Variants in FSTL5 observed in about 807,000 individuals in gnomAD.
FSTL5 encodes follistatin like 5, also known as follistatin-related protein 5.
FSTL5 carries 62 observed loss-of-function variants against 89.1 expected under a neutral mutation model. The ratio of observed to expected loss-of-function variants is 0.70; its 90% CI spans 0.57 to 0.86. The LOEUF (loss-of-function observed/expected upper bound fraction) is 0.86, where lower values mean the gene tolerates loss of function less well. FSTL5 is among the 40% of genes least tolerant of loss of function. The pLI, the probability that FSTL5 is intolerant of heterozygous loss-of-function variation, is 0.00. For synonymous variants in FSTL5, 383 were observed against 346.2 expected, an observed-to-expected ratio of 1.11 and a Z score of -1.18; for missense variants, 1,057 against 1,001.6, an observed-to-expected ratio of 1.06 and a Z score of -0.75.
chr4:161,793,613 A>ATT lies in FSTL5; in HGVS notation c.410-17541_410-17540dup, dbSNP rs5863486. On this transcript the variant is annotated intron_variant, in intron 4 of 15. Transcript: ENST00000306100. ...TTGCTTTTGGGGAAACCATGTTGTC[A>ATT]TTTTTTTTTTTCTGAGATGGAGTCT... Among the ~76,000 whole-genome samples, 412 of 147,342 alleles carry ATT rather than the reference A, an allele frequency of 2.8e-3. 5 individuals are homozygous for ATT. Among genetic ancestry groups the ATT allele is most frequent in the African/African-American group, 7.4e-3 (296 of 40,188 alleles).
chr4:161,805,937 T>C (rs895249850), intron 4 of FSTL5, among the ~76,000 whole-genome samples: 1 of 152,084 alleles, frequency 6.6e-6, no homozygotes, highest in Non-Finnish European at 1.5e-5. Flanking sequence ...TTCACATAAC[T>C]TTTTTATAGT....
intron 15 of FSTL5, among the ~76,000 whole-genome samples, chr4:161,407,395 G>T (rs1731423463): frequency 6.6e-6 from 1 of 152,212 alleles, no homozygotes; most frequent in African/African-American, 2.4e-5. Flanking sequence ...TGAGGATGGG[G>T]AGGAGATGCA....
intron 15 of FSTL5, among the ~76,000 whole-genome samples, chr4:161,392,143 C>T (rs1016616947): frequency 7.9e-5 from 12 of 152,062 alleles, no homozygotes; most frequent in Non-Finnish European, 2.9e-5. Context: ...TGTCCAGTTG[C>T]TTAACAGGAT....
chr4:161,834,901 C>T (rs545118399), intron 4 of FSTL5, among the ~76,000 whole-genome samples: 9 of 151,252 alleles, frequency 6.0e-5, no homozygotes, highest in Admixed American at 1.3e-4. Context: ...AGATTCAATG[C>T]CATCCCCATC....
chr4:161,748,274 G>T (rs991445009), intron 6 of FSTL5, among the ~76,000 whole-genome samples: 2 of 152,010 alleles, frequency 1.3e-5, no homozygotes, highest in African/African-American at 4.8e-5. Context: ...GCCACAAAAA[G>T]TATCATGCAC....
At chr4:161,436,027 C>CT (rs1328505986) in intron 15 of FSTL5, among the ~76,000 whole-genome samples, 1 of 152,034 alleles carries the variant, frequency 6.6e-6, no homozygotes, top group African/African-American at 2.4e-5. Flanking sequence ...CCTTGATTGG[C>CT]TGACAATCTA....
At chr4:161,893,718 TA>T (rs1302591839) in intron 4 of FSTL5, among the ~76,000 whole-genome samples, 2 of 152,186 alleles carry the variant, frequency 1.3e-5, no homozygotes, top group Non-Finnish European at 2.9e-5. Context: ...TAAGGTCTAT[TA>T]AAACAGAACA....
At position 161,512,808 on chromosome 4, in the gene FSTL5, C is replaced by A. The variant is rs140370085; in HGVS notation, c.1313-2384G>T. Among the ~76,000 whole-genome samples the A allele has an allele frequency of 1.1e-4, 16 of 152,046 alleles. No individual in the cohort carries two copies. In the East Asian group the frequency reaches 3.1e-3, roughly 29 times the overall value. ...AAAGTTGGATGTAAAATAAATAAAT[C>A]CACAATCTCGGTCTGTTTCTTTAAC... On this transcript the variant is annotated intron_variant, in intron 10 of 15. Transcript: ENST00000306100.
chr4:161,422,420 T>C (rs1732022216), intron 15 of FSTL5, among the ~76,000 whole-genome samples: 1 of 152,156 alleles, frequency 6.6e-6, no homozygotes, highest in African/African-American at 2.4e-5. Context: ...AGAAAAACAG[T>C]TTTTTCTCCT....
chr4:161,959,068 A>G (rs1735102237), intron 3 of FSTL5, among the ~76,000 whole-genome samples: 1 of 152,122 alleles, frequency 6.6e-6, no homozygotes, highest in African/African-American at 2.4e-5. Context: ...CATGTTTCTT[A>G]GGGATCACTG....
intron 3 of FSTL5, among the ~76,000 whole-genome samples, chr4:162,012,905 T>C (rs79582757): frequency 0.11 from 16,131 of 152,064 alleles, 894 homozygotes; most frequent in Non-Finnish European, 0.13. Context: ...ACTTCTCAGC[T>C]GGGCGTCGTG....
chr4:161,854,635 G>C (rs1407275967), intron 4 of FSTL5, among the ~76,000 whole-genome samples: 2 of 152,058 alleles, frequency 1.3e-5, no homozygotes, highest in East Asian at 3.9e-4. Flanking sequence ...ACACAAATAA[G>C]AAATGTCAGG....
At chr4:161,699,131 A>C (rs1738286691) in intron 6 of FSTL5, among the ~76,000 whole-genome samples, 1 of 152,132 alleles carries the variant, frequency 6.6e-6, no homozygotes, top group Non-Finnish European at 1.5e-5. Flanking sequence ...TAATATTTGA[A>C]AACTTTGTTT....
chr4:161,999,749 C>T (rs1736406687), intron 3 of FSTL5, among the ~76,000 whole-genome samples: 1 of 152,042 alleles, frequency 6.6e-6, no homozygotes, highest in African/African-American at 2.4e-5. Context: ...TCAAGGACAA[C>T]CTATACATTT....
At chr4:161,442,919 G>A (rs1435887200) in intron 15 of FSTL5, among the ~76,000 whole-genome samples, 1 of 151,902 alleles carries the variant, frequency 6.6e-6, no homozygotes, top group Admixed American at 6.6e-5. Context: ...GCTCACTGGT[G>A]GAAATTCTGG....
chr4:161,485,957 G>A (rs1729662442), intron 12 of FSTL5, among the ~76,000 whole-genome samples: 1 of 151,862 alleles, frequency 6.6e-6, no homozygotes, highest in Non-Finnish European at 1.5e-5. Flanking sequence ...AGCCAACATG[G>A]TGAAACCCCA....
chr4:161,768,231 T>C (rs1282745111), intron 5 of FSTL5, among the ~76,000 whole-genome samples: 1 of 152,090 alleles, frequency 6.6e-6, no homozygotes, highest in Non-Finnish European at 1.5e-5. Context: ...GGGAAGTCTA[T>C]GATAGATACT....
chr4:161,873,442 T>A (rs1732338483), intron 4 of FSTL5, among the ~76,000 whole-genome samples: 1 of 151,912 alleles, frequency 6.6e-6, no homozygotes, highest in Non-Finnish European at 1.5e-5. Context: ...TATAAAATTA[T>A]TGCAATAATT....
At position 161,759,475 on chromosome 4, in the gene FSTL5, T is replaced by C. The variant is rs1579072438; in HGVS notation, c.663A>G (p.Leu221=). The C allele has an allele frequency of 1.3e-6, 2 of 1,596,582 alleles. No homozygotes were observed. The highest frequency in any genetic ancestry group is 1.7e-6 in the Non-Finnish European group (2 of 1,171,014). Residue 221 remains leucine, a synonymous_variant, in exon 6 of 16, where the codon CTA becomes CTG. Transcript: ENST00000306100. ...CAGCATTAAAATCATCATATTTCAA[T>C]AGAACATACAAAGTACAATCAAAGA... ...KDLFDCTLYV[L]LKYDDFNADK... is the part of the protein sequence containing the mutation.
Sources: allele counts gnomAD v4.1 joint callset (sites outside exome capture counted in the v4.1 genomes callset), GRCh38; gene constraint gnomAD v4.1.1; transcripts MANE v1.5; gene names NCBI Gene and HGNC (gene_info 2026-07-23, HGNC 2026-07-21).